The following ARHGEF38 variants were observed in gnomAD, a reference collection of about 807,000 sequenced individuals.
ARHGEF38 encodes Rho guanine nucleotide exchange factor (GEF) 38.
In ARHGEF38, 79 loss-of-function variants were observed where a neutral mutation model predicts 79.9. The ratio of observed to expected loss-of-function variants is 0.99; its 90% CI spans 0.82 to 1.19. The LOEUF (loss-of-function observed/expected upper bound fraction) is 1.19. ARHGEF38 is among the 50% of genes most tolerant of loss of function. The pLI, the probability that ARHGEF38 is intolerant of heterozygous loss-of-function variation, is 0.00. For missense variants in ARHGEF38, 962 were observed against 907.2 expected (o/e 1.06, Z -0.78); for synonymous variants, 366 against 328.3 (o/e 1.11, Z -1.24).
chr4:105,594,409 T>A (rs553023254), intron 2 of ARHGEF38, among the ~76,000 whole-genome samples: 199 of 152,330 alleles, frequency 1.3e-3, no homozygotes, highest in Admixed American at 4.7e-3. Flanking sequence ...AGTTTTCAGA[T>A]AACTATAGCA....
intron 3 of ARHGEF38, among the ~76,000 whole-genome samples, chr4:105,621,556 G>T (rs1248771175): frequency 6.6e-6 from 1 of 152,182 alleles, no homozygotes; most frequent in African/African-American, 2.4e-5. Flanking sequence ...ATGCACTGTT[G>T]TTCTATAGCA....
intron 5 of ARHGEF38, among the ~76,000 whole-genome samples, chr4:105,643,154 T>A (rs1217933820): frequency 1.3e-5 from 2 of 151,610 alleles, no homozygotes; most frequent in Non-Finnish European, 2.9e-5. Context: ...TCAGTATAAA[T>A]ACTGAAAACA....
chr4:105,561,419 A>AGAATG (rs1401158972), intron 1 of ARHGEF38, among the ~76,000 whole-genome samples: 6 of 46,064 alleles, frequency 1.3e-4, no homozygotes, highest in East Asian at 7.3e-4. Flanking sequence ...AGAATAGAAT[A>AGAATG]GAATGGAATA....
In ARHGEF38 at chr4:105,649,063, T is replaced by G. The variant is rs750093328; in HGVS notation, c.1008+381T>G. Among the ~76,000 whole-genome samples the G allele has an allele frequency of 8.9e-4, 136 of 152,312 alleles. 1 individual carries two copies. Among genetic ancestry groups the G allele is most frequent in the Middle Eastern group, 6.8e-3 (2 of 294 alleles). ...CTTCCATCCTGTTTTACTTCTGCTC[T>G]TAAAAGTTGTACTTTTCTTTAGGGT... On this transcript the variant is annotated intron_variant, in intron 7 of 13. Transcript: ENST00000420470.
Position 105,581,555 on chromosome 4 carries a change from A to T in ARHGEF38, c.197-7693A>T, listed in dbSNP as rs200375689. 7.2e-5 allele frequency among the ~76,000 whole-genome samples: 11 copies of T among 152,232 alleles called. No individual in the cohort carries two copies. The East Asian group carries it at 1.9e-3, about 27-fold the overall frequency. On this transcript the variant is annotated intron_variant, in intron 1 of 13. Coordinates refer to ENST00000420470, the MANE Select transcript of ARHGEF38 (RefSeq NM_001242729.2). ...CTTTGTATAATTTACTATTTAGTTC[A>T]TTATACAACTCAACTATTTATTCAA... is the stretch of plus-strand genomic sequence containing the variant.
At chr4:105,610,758 T>C (rs559812383) in intron 2 of ARHGEF38, among the ~76,000 whole-genome samples, 5 of 152,220 alleles carry the variant, frequency 3.3e-5, no homozygotes, top group Admixed American at 1.3e-4. Context: ...TTAAAATCTA[T>C]GTTTTTGTTA....
At position 105,654,133 on chromosome 4, in the gene ARHGEF38, T is replaced by C; in HGVS notation, c.1077T>C (p.Cys359=). The C allele has an allele frequency of 6.6e-7, 1 of 1,520,476 alleles. No individual in the cohort carries two copies. The highest frequency in any genetic ancestry group is 8.8e-7 in the Non-Finnish European group (1 of 1,136,126). The allele number at this position is 1,520,476 out of a possible 1,614,324, so 94.2% of individuals were successfully genotyped here. A position where few individuals can be genotyped will look rare whatever the true frequency, so the allele number is the denominator to read the frequency against. The change falls in exon 8 of 14, where the codon TGT becomes TGC. Residue 359 remains cysteine, a synonymous_variant. Transcript: ENST00000420470. ...CTTTAGAAAAGACTGTGAGGCTTTGTGTGAAGAACATTTCACTCTGTCTTC... is the reference window on the plus strand; with the variant it reads ...CTTTAGAAAAGACTGTGAGGCTTTGCGTGAAGAACATTTCACTCTGTCTTC... The part of the protein sequence containing the change: ...FRALEKTVRL[C]VKNISLCLQH...
chr4:105,661,040 A>T (rs1313621158), intron 10 of ARHGEF38, among the ~76,000 whole-genome samples: 1 of 151,962 alleles, frequency 6.6e-6, no homozygotes, highest in East Asian at 1.9e-4. Flanking sequence ...GCCTGTACAG[A>T]TTTTCCTATT....
intron 1 of ARHGEF38, among the ~76,000 whole-genome samples, chr4:105,583,910 A>T (rs1188800719): frequency 6.6e-6 from 1 of 151,980 alleles, no homozygotes; most frequent in Non-Finnish European, 1.5e-5. Flanking sequence ...CATTTTATTG[A>T]TGTCTCTTTC....
chr4:105,582,802 G>T (rs992026741), intron 1 of ARHGEF38, among the ~76,000 whole-genome samples: 1 of 151,964 alleles, frequency 6.6e-6, no homozygotes, highest in African/African-American at 2.4e-5. Flanking sequence ...TTCACTTTTT[G>T]CTTCACATGT....
intron 1 of ARHGEF38, among the ~76,000 whole-genome samples, chr4:105,586,035 C>T (rs928277171): frequency 6.6e-5 from 10 of 152,070 alleles, no homozygotes; most frequent in East Asian, 1.9e-4. Flanking sequence ...CAGGCCCCCT[C>T]GGTTGCTTCA....
chr4:105,636,446 A>G lies in ARHGEF38; in HGVS notation c.674+26A>G, dbSNP rs563163703. 54 of 394,404 alleles carry G rather than the reference A, an allele frequency of 1.4e-4. 2 individuals are homozygous for G. In the South Asian group the frequency reaches 2.4e-3, roughly 18 times the overall value. 24.4% of individuals were successfully genotyped at this position (394,404 alleles called of 1,614,324 possible). On this transcript the variant is annotated intron_variant, in intron 5 of 13. Transcript: ENST00000420470. ...GTAAGTACTTTTTAAAATAATATAA[A>G]TCAAATATAAAAATCACGAGAAAAT...
chr4:105,569,716 T>C (rs951597354), intron 1 of ARHGEF38, among the ~76,000 whole-genome samples: 3 of 152,218 alleles, frequency 2.0e-5, no homozygotes, highest in Non-Finnish European at 2.9e-5. Context: ...GGTGTGACCT[T>C]GGGCAAACTG....
chr4:105,566,310 T>C (rs1220480767), intron 1 of ARHGEF38, among the ~76,000 whole-genome samples: 2 of 152,228 alleles, frequency 1.3e-5, no homozygotes, highest in African/African-American at 2.4e-5. Flanking sequence ...CTGTTTCAGA[T>C]TTCAACTGTG....
intron 8 of ARHGEF38, among the ~76,000 whole-genome samples, chr4:105,654,954 T>C (rs1489162515): frequency 6.6e-6 from 1 of 152,206 alleles, no homozygotes; most frequent in Non-Finnish European, 1.5e-5. Flanking sequence ...CACTCTTAGA[T>C]AAAATATCAG....
At chr4:105,598,431 GC>G (rs1466100610) in intron 2 of ARHGEF38, among the ~76,000 whole-genome samples, 2 of 152,154 alleles carry the variant, frequency 1.3e-5, no homozygotes, top group Non-Finnish European at 2.9e-5. Flanking sequence ...AGCAATTCCT[GC>G]CAAGTATAAT....
intron 1 of ARHGEF38, among the ~76,000 whole-genome samples, chr4:105,563,618 C>G (rs1725743589): frequency 6.6e-6 from 1 of 152,142 alleles, no homozygotes; most frequent in African/African-American, 2.4e-5. Context: ...TTGCTTGGCT[C>G]CAAAGTCAGG....
At chr4:105,572,417 A>G (rs898111832) in intron 1 of ARHGEF38, among the ~76,000 whole-genome samples, 2 of 152,094 alleles carry the variant, frequency 1.3e-5, no homozygotes, top group African/African-American at 4.8e-5. Flanking sequence ...CATCTTAGCC[A>G]CTTTAAAGTG....
chr4:105,561,440 GAATAGAATGGAATAGAATAGAATAGAATA>G, intron 1 of ARHGEF38, among the ~76,000 whole-genome samples: 1 of 63,850 alleles, frequency 1.6e-5, no homozygotes, highest in Non-Finnish European at 2.9e-5. Flanking sequence ...GAATAGAATA[GAATAGAATGGAATAGAATAGAATAGAATA>G]GAATAGAATA....
Sources: allele counts gnomAD v4.1 joint callset (sites outside exome capture counted in the v4.1 genomes callset), GRCh38; gene constraint gnomAD v4.1.1; transcripts MANE v1.5; gene names NCBI Gene and HGNC (gene_info 2026-07-23, HGNC 2026-07-21).